Variants in RLF observed in about 807,000 individuals in gnomAD.
RLF encodes zinc finger protein Rlf.
In RLF, 7 loss-of-function variants were observed where a neutral mutation model predicts 162.9. That is an observed-to-expected ratio of 0.04 (90% CI 0.02 to 0.08). The LOEUF (loss-of-function observed/expected upper bound fraction) is 0.08. Among genes scored for constraint, RLF ranks in the 10% least tolerant of loss-of-function variants. RLF has a pLI of 1.00. For missense variants in RLF, 1,664 were observed against 2,244.7 expected, an observed-to-expected ratio of 0.74 and a Z score of 5.23; for synonymous variants, 782 against 791.5, an observed-to-expected ratio of 0.99 and a Z score of 0.20.
At chr1:40,189,302 T>G (rs923216981) in intron 2 of RLF, 93 bp downstream of exon 2, 1 of 1,021,340 alleles carries the variant, frequency 9.8e-7, no homozygotes, top group Admixed American at 2.0e-5. Context: ...ACATTTATTC[T>G]TCAGAGCACC....
intron 1 of RLF, among the ~76,000 whole-genome samples, chr1:40,183,787 A>G (rs1642437582): frequency 6.6e-6 from 1 of 151,976 alleles, no homozygotes; most frequent in African/African-American, 2.4e-5. Flanking sequence ...GTGGCTCCTC[A>G]TTTTTGAAAT....
At chr1:40,221,917 A>AAAAAAAAAAG (rs1486982312) in intron 5 of RLF, among the ~76,000 whole-genome samples, 14 of 150,368 alleles carry the variant, frequency 9.3e-5, no homozygotes, top group African/African-American at 3.2e-4. Context: ...AAAAAAAAAA[A>AAAAAAAAAAG]AGAGAAAGGA....
chr1:40,169,383 G>A (rs1275969846), intron 1 of RLF, among the ~76,000 whole-genome samples: 2 of 151,990 alleles, frequency 1.3e-5, no homozygotes, highest in African/African-American at 2.4e-5. Flanking sequence ...TTGGGAGGCC[G>A]AGGCGGGTGG....
chr1:40,179,905 ATGT>A (rs1227100230), intron 1 of RLF, among the ~76,000 whole-genome samples: 2 of 152,254 alleles, frequency 1.3e-5, no homozygotes, highest in South Asian at 2.1e-4. Context: ...AAGATATATC[ATGT>A]TGTATCATGT....
At position 40,161,448 on chromosome 1, in the gene RLF, G is replaced by C; in HGVS notation, c.49G>C (p.Glu17Gln). 6.3e-7 allele frequency: 1 copy of C among 1,578,184 alleles called. No individual in the cohort carries two copies. The highest frequency in any genetic ancestry group is 1.7e-4 in the Middle Eastern group (1 of 5,876). Residue 17 changes from glutamate (E) to glutamine (Q), a missense_variant, in exon 1 of 8, where the codon GAG becomes CAG. By Grantham distance (29) the Glu-to-Gln change is conservative. Around this residue, in one of 15 missense-constraint regions of RLF, gnomAD observed 134 missense variants for 124.3 expected, o/e 1.08. Coordinates refer to ENST00000372771, the MANE Select transcript of RLF (RefSeq NM_012421.4). This position sits in a 1 kb window ranked among gnomAD's most constrained non-coding sequence, Gnocchi z 4.4. ...CGCCGCTGTCGCCGGGGCTGGGGCT[G>C]AGGCTCCGGCGGTAGCGGGAGCCGG... ...DAAAVAGAGA[E>Q]APAVAGAGDG...
chr1:40,237,202 A>C lies in RLF; in HGVS notation c.2500A>C (p.Ile834Leu). The C allele has an allele frequency of 6.2e-7, 1 of 1,613,982 alleles. No individual in the cohort carries two copies. ...TAATGTTGAAAATTCAAATGGAGAC[A>C]TAAAGAAATCAGTGAAACTTGAGGA... ...MHNVENSNGDIKKSVKLEESA... is the reference protein window; with the variant it reads ...MHNVENSNGDLKKSVKLEESA... Residue 834 changes from isoleucine to leucine, a missense_variant, in exon 8 of 8, where the codon ATA becomes CTA. This residue lies in a region of RLF where 295 missense variants were observed against 317.4 expected (regional missense o/e 0.93). Transcript: ENST00000372771. The surrounding 1 kb of genome is among the most constrained non-coding windows in gnomAD (Gnocchi z 4.4).
chr1:40,181,586 C>G (rs759418567), intron 1 of RLF, among the ~76,000 whole-genome samples: 1 of 152,042 alleles, frequency 6.6e-6, no homozygotes, highest in African/African-American at 2.4e-5. Flanking sequence ...ATGGATAACT[C>G]TGTAGTAATT....
At chr1:40,187,960 G>A (rs533912174) in intron 1 of RLF, among the ~76,000 whole-genome samples, 1 of 152,300 alleles carries the variant, frequency 6.6e-6, no homozygotes, top group African/African-American at 2.4e-5. Context: ...GCTATCCTCT[G>A]AAAATAAGAC....
chr1:40,202,685 A>AT, intron 5 of RLF, 71 bp downstream of exon 5: 1 of 919,274 alleles, frequency 1.1e-6, no homozygotes, highest in Non-Finnish European at 1.6e-6. Context: ...TGCATGGTTT[A>AT]TTTTTTCCCT....
chr1:40,233,697 C>T (rs1356927016), intron 7 of RLF, among the ~76,000 whole-genome samples: 1 of 152,200 alleles, frequency 6.6e-6, no homozygotes, highest in African/African-American at 2.4e-5. Flanking sequence ...CAGATCCTAG[C>T]TGATACAGGC....
chr1:40,203,759 A>AT (rs984448356), intron 5 of RLF, among the ~76,000 whole-genome samples: 1 of 151,982 alleles, frequency 6.6e-6, no homozygotes, highest in Non-Finnish European at 1.5e-5. Flanking sequence ...CTGAACTGAA[A>AT]TTTTTTATTA....
intron 6 of RLF, among the ~76,000 whole-genome samples, chr1:40,230,397 G>C (rs1245374449): frequency 6.6e-6 from 1 of 152,056 alleles, no homozygotes; most frequent in Non-Finnish European, 1.5e-5. Flanking sequence ...TGTATTAAGT[G>C]ATAGCATTCT....
At position 40,161,825 on chromosome 1, in the gene RLF, C is replaced by T. The variant is rs1570505498; in HGVS notation, c.237+189C>T. On this transcript the variant is annotated intron_variant, in intron 1 of 7. Coordinates refer to ENST00000372771, the MANE Select transcript of RLF (RefSeq NM_012421.4). The surrounding 1 kb of genome is among the most constrained non-coding windows in gnomAD (Gnocchi z 4.4). ...CCCCTGCGCCACTGCCCGACTTTGGCCACCGCTGGGTCGTTTTGCTCTGAG... is the reference window on the plus strand; with the variant it reads ...CCCCTGCGCCACTGCCCGACTTTGGTCACCGCTGGGTCGTTTTGCTCTGAG... Among the ~76,000 whole-genome samples, 1 of 152,170 alleles carries T rather than the reference C, an allele frequency of 6.6e-6. No homozygotes were observed. Among genetic ancestry groups the T allele is most frequent in the African/African-American group, 2.4e-5 (1 of 41,450 alleles).
At chr1:40,205,979 C>G (rs1030886387) in intron 5 of RLF, among the ~76,000 whole-genome samples, 3 of 152,090 alleles carry the variant, frequency 2.0e-5, no homozygotes, top group African/African-American at 7.2e-5. Flanking sequence ...TCTCTTTTTA[C>G]ACTTAACTAG....
rs1235983289 is a variant in RLF, at chr1:40,238,518, A to G, written c.3816A>G (p.Ser1272=). 1.2e-6 allele frequency: 2 copies of G among 1,614,006 alleles called. No individual in the cohort carries two copies. Among genetic ancestry groups the G allele is most frequent in the Non-Finnish European group, 1.7e-6 (2 of 1,180,022 alleles). The change falls in exon 8 of 8, where the codon TCA becomes TCG. Residue 1272 remains serine, a synonymous_variant. Transcript: ENST00000372771. The surrounding 1 kb of genome is among the most constrained non-coding windows in gnomAD (Gnocchi z 5.2). ...CAGAAAGTAAAACATCTGACATTTC[A>G]TCACCAATAGGCAGCCATAGAGAAG... ...EETESKTSDI[S]SPIGSHREEQ... is the part of the protein sequence containing the mutation.
chr1:40,215,122 G>C (rs903924822), intron 5 of RLF, among the ~76,000 whole-genome samples: 4 of 152,046 alleles, frequency 2.6e-5, no homozygotes, highest in African/African-American at 9.7e-5. Context: ...TGTCCAGTCT[G>C]AGAAATGATA....
rs766055366 is a variant in RLF, at chr1:40,190,798, T to C, written c.419T>C (p.Val140Ala). 2 of 1,611,830 alleles carry C rather than the reference T, an allele frequency of 1.2e-6. No individual in the cohort carries two copies. Among genetic ancestry groups the C allele is most frequent in the South Asian group, 2.2e-5 (2 of 90,928 alleles). ...AGTTGTTTCGAATTACTGCTTTCAG[T>C]GTCTGAAAGTGAACTGCCATGTGAA... is the stretch of plus-strand genomic sequence containing the variant. ...VLSCFELLLS[V>A]SESELPCEVW... Residue 140 changes from valine to alanine, a missense_variant, in exon 3 of 8, where the codon GTG (valine) becomes GCG (alanine). Val to Ala is a moderately conservative substitution (Grantham distance 64, BLOSUM62 0). Transcript: ENST00000372771.
chr1:40,170,247 T>G lies in RLF; in HGVS notation c.237+8611T>G, dbSNP rs576704018. Among the ~76,000 whole-genome samples, 26 of 152,136 alleles carry G rather than the reference T, an allele frequency of 1.7e-4. No individual in the cohort carries two copies. The East Asian group carries it at 1.7e-3, about 10-fold the overall frequency. On this transcript the variant is annotated intron_variant, in intron 1 of 7. Transcript: ENST00000372771. ...TTAGCCTAAAACATAATTCTGAGCT[T>G]TTTTTTGTTTTTTGGTTTTTTTTTG...
intron 1 of RLF, among the ~76,000 whole-genome samples, chr1:40,172,144 T>TA (rs952470677): frequency 2.6e-5 from 4 of 151,732 alleles, no homozygotes; most frequent in Admixed American, 1.3e-4. Context: ...CACTCTTAAC[T>TA]AAAAAAAAAT....
Sources: allele counts gnomAD v4.1 joint callset (sites outside exome capture counted in the v4.1 genomes callset), GRCh38; gene constraint gnomAD v4.1.1; regional missense constraint gnomAD v4.1.1; non-coding constraint Gnocchi (gnomAD v3.1); transcripts MANE v1.5; gene names NCBI Gene and HGNC (gene_info 2026-07-23, HGNC 2026-07-21).